MTM1: variants seen among roughly 807,000 people sequenced by gnomAD.
MTM1 encodes the protein myotubularin.
In MTM1, 9 loss-of-function variants were observed where a neutral mutation model predicts 52.1. The observed-to-expected ratio is 0.17, with a 90% confidence interval of 0.10 to 0.30. The LOEUF is 0.30. Among genes scored for constraint, MTM1 ranks in the 10% least tolerant of loss-of-function variants. MTM1 has a pLI of 1.00. For missense variants in MTM1, 277 were observed against 470.7 expected (o/e 0.59, Z 3.81); for synonymous variants, 136 against 163.8 (o/e 0.83, Z 1.29).
intron 10 of MTM1, among the ~76,000 whole-genome samples, chrX:150,656,225 A>G (rs2040111489): frequency 9.0e-6 from 1 of 111,558 alleles, no homozygotes; most frequent in Non-Finnish European, 1.9e-5. Context: ...GCGTGACCCT[A>G]TTTGAAAAGA....
At chrX:150,667,524 C>T (rs1395110426) in intron 14 of MTM1, among the ~76,000 whole-genome samples, 2 of 112,041 alleles carry the variant, frequency 1.8e-5, no homozygotes, top group Non-Finnish European at 3.8e-5. Flanking sequence ...CTCCTTTGTT[C>T]ACTGCTGGAT....
At chrX:150,581,718 A>G (rs1416641763) in intron 1 of MTM1, among the ~76,000 whole-genome samples, 1 of 112,041 alleles carries the variant, frequency 8.9e-6, no homozygotes, top group African/African-American at 3.2e-5. Context: ...ACAGATATCT[A>G]TCTGTTAGTG....
intron 1 of MTM1, among the ~76,000 whole-genome samples, chrX:150,570,008 G>T (rs2038339009): frequency 8.9e-6 from 1 of 111,804 alleles, no homozygotes; most frequent in Admixed American, 9.4e-5. Flanking sequence ...TACCCTCCCG[G>T]GTGCTTGAGG....
In MTM1 at chrX:150,672,010, T is replaced by C. The variant is rs1475444592; in HGVS notation, c.*415T>C. 1.1e-4 allele frequency: 16 copies of C among 149,807 alleles called. No individual in the cohort carries two copies. Among genetic ancestry groups the C allele is most frequent in the Non-Finnish European group, 1.9e-4 (15 of 77,938 alleles). The allele number at this position is 149,807 out of a possible 1,213,427, so 12.3% of individuals were successfully genotyped here. The stretch of plus-strand genomic sequence containing the variant: ...AACAGTTGCTTTGGATTCTCTAAGA[T>C]GAATCCAAATGTGAAAGATGCATGT... On this transcript the variant is annotated 3_prime_UTR_variant, in exon 15 of 15. Transcript: ENST00000370396.
In MTM1 at chrX:150,645,792, T is replaced by G. The variant is rs782573475; in HGVS notation, c.788T>G (p.Val263Gly). The change falls in exon 9 of 15, where the codon GTT becomes GGT. Residue 263 changes from valine (V) to glycine (G), a missense_variant. Physicochemically the swap from Val to Gly is moderately radical, Grantham distance 109. Around this residue, in one of 4 missense-constraint regions of MTM1, gnomAD observed 164 missense variants for 283.3 expected, o/e 0.58. Transcript: ENST00000370396. The part of the protein sequence containing the change: ...RNKDDEKYLD[V>G]IRETNKQISK... ...AAAGATGATGAGAAATATCTCGATG[T>G]TATCAGGGAGACTAATAAACAAATT... 7.4e-6 allele frequency: 9 copies of G among 1,208,788 alleles called. No individual in the cohort carries two copies. The Admixed American group carries it at 2.0e-4, about 26-fold the overall frequency.
In MTM1 at chrX:150,657,853, CAA is replaced by C. The variant is rs587783752; in HGVS notation, c.1088_1089del (p.Lys363SerfsTer14). On this transcript the variant is annotated frameshift_variant, in exon 11 of 15. Transcript: ENST00000370396. LOFTEE classifies it high-confidence loss of function. ...VLTGAIQVADKVSSGKSSVLV... is the reference protein window; with the variant it reads ...VLTGAIQVADXVSSGKSSVLV... ...TGACAGGAGCCATTCAAGTAGCAGA[CAA>C]AGTTTCTTCAGGGAAGAGTTCAGTG... is the stretch of plus-strand genomic sequence containing the variant. The C allele has an allele frequency of 8.3e-7, 1 of 1,211,695 alleles. No individual in the cohort carries two copies. Among genetic ancestry groups the C allele is most frequent in the Non-Finnish European group, 1.1e-6 (1 of 895,516 alleles).
chrX:150,572,791 G>T (rs781947982), intron 1 of MTM1, among the ~76,000 whole-genome samples: 7 of 112,694 alleles, frequency 6.2e-5, no homozygotes, highest in Non-Finnish European at 9.4e-5. Context: ...CCCCAGGTCT[G>T]TACCATCCTC....
At chrX:150,566,980 G>T (rs2038270931), upstream of MTM1, among the ~76,000 whole-genome samples, 1 of 111,632 alleles carries the variant, frequency 9.0e-6, no homozygotes, top group Non-Finnish European at 1.9e-5. Flanking sequence ...CTGGGGAGGG[G>T]AGTTGGCAGA....
At chrX:150,609,968 C>T (rs938735147) in intron 4 of MTM1, among the ~76,000 whole-genome samples, 2 of 111,626 alleles carry the variant, frequency 1.8e-5, no homozygotes, top group African/African-American at 6.5e-5. Flanking sequence ...TGATCCTAGC[C>T]GTGTAGTACT....
chrX:150,650,377 T>C (rs1446941358), intron 10 of MTM1, among the ~76,000 whole-genome samples: 1 of 111,856 alleles, frequency 8.9e-6, no homozygotes, highest in African/African-American at 3.3e-5. Context: ...AATCCTCCAC[T>C]TTTTAAAAAG....
At chrX:150,595,322 G>A (rs1198629007) in intron 2 of MTM1, among the ~76,000 whole-genome samples, 2 of 110,940 alleles carry the variant, frequency 1.8e-5, no homozygotes, top group African/African-American at 6.6e-5. Flanking sequence ...TTAGCTGGGC[G>A]TGGTGGCACA....
chrX:150,571,129 A>AT (rs2038366754), intron 1 of MTM1, among the ~76,000 whole-genome samples: 1 of 112,271 alleles, frequency 8.9e-6, no homozygotes, highest in Non-Finnish European at 1.9e-5. Flanking sequence ...AATAGGTGAC[A>AT]TTTTAAAGGG....
intron 4 of MTM1, among the ~76,000 whole-genome samples, chrX:150,604,525 C>T (rs782407266): frequency 4.5e-5 from 5 of 111,235 alleles, no homozygotes; most frequent in African/African-American, 9.8e-5. Flanking sequence ...CTCCCTCCCC[C>T]GAGTTCCTTC....
At chrX:150,635,711 A>G (rs1327404816) in intron 6 of MTM1, among the ~76,000 whole-genome samples, 1 of 112,283 alleles carries the variant, frequency 8.9e-6, no homozygotes, top group Non-Finnish European at 1.9e-5. Flanking sequence ...AAGAAAATAT[A>G]TCTGAAAAGT....
At chrX:150,603,134 G>A (rs2039094311) in intron 4 of MTM1, among the ~76,000 whole-genome samples, 1 of 112,103 alleles carries the variant, frequency 8.9e-6, no homozygotes, top group Admixed American at 9.5e-5. Flanking sequence ...AGCATATCAG[G>A]TAGAGAGTTA....
chrX:150,596,014 A>G (rs2038969079), intron 2 of MTM1, among the ~76,000 whole-genome samples: 1 of 36,467 alleles, frequency 2.7e-5, no homozygotes, highest in Non-Finnish European at 5.1e-5. Flanking sequence ...GTGAAATAGG[A>G]AACGCAATAG....
rs994577942 is a variant in MTM1 at position 150,671,887 on chromosome X, A to G, written c.*292A>G. On this transcript the variant is annotated 3_prime_UTR_variant, in exon 15 of 15. Coordinates refer to ENST00000370396, the MANE Select transcript of MTM1 (RefSeq NM_000252.3). ...TTTAATTTACGTCTTGAGAAATACT[A>G]TATATACAATATATATTTTGTGGGC... 1 of 299,074 alleles carries G rather than the reference A, an allele frequency of 3.3e-6. No homozygotes were observed. The highest frequency in any genetic ancestry group is 5.8e-6 in the Non-Finnish European group (1 of 171,298). The allele number at this position is 299,074 out of a possible 1,213,427, so 24.6% of individuals were successfully genotyped here. A position where few individuals can be genotyped will look rare whatever the true frequency, so the allele number is the denominator to read the frequency against.
At chrX:150,643,684 T>C (rs1569565501) in intron 8 of MTM1, among the ~76,000 whole-genome samples, 1 of 112,191 alleles carries the variant, frequency 8.9e-6, no homozygotes, top group Non-Finnish European at 1.9e-5. Flanking sequence ...CATATGCCAG[T>C]GTGTAGATGT....
chrX:150,573,276 A>G (rs1465245469), intron 1 of MTM1, among the ~76,000 whole-genome samples: 1 of 112,595 alleles, frequency 8.9e-6, no homozygotes, highest in Non-Finnish European at 1.9e-5. Context: ...AGTTCTTTGA[A>G]TCAGTCATTG....
Sources: allele counts gnomAD v4.1 joint callset (sites outside exome capture counted in the v4.1 genomes callset), GRCh38; gene constraint gnomAD v4.1.1; regional missense constraint gnomAD v4.1.1; transcripts MANE v1.5; gene names NCBI Gene and HGNC (gene_info 2026-07-23, HGNC 2026-07-21).